PPME1: variants seen among roughly 807,000 people sequenced by gnomAD.
PPME1 encodes the protein testicular secretory protein Li 39.
PPME1 carries 17 observed loss-of-function variants against 56.9 expected under a neutral mutation model. The ratio of observed to expected loss-of-function variants is 0.30; its 90% CI spans 0.20 to 0.45. The LOEUF is 0.45. PPME1 is among the 20% of genes least tolerant of loss of function. The pLI, the probability that PPME1 is intolerant of heterozygous loss-of-function variation, is 1.00. For synonymous variants in PPME1, 122 were observed against 156.2 expected (o/e 0.78, Z 1.63); for missense variants, 357 against 483.2 (o/e 0.74, Z 2.45).
intron 1 of PPME1, among the ~76,000 whole-genome samples, chr11:74,200,328 G>A (rs1463604759): frequency 6.6e-6 from 1 of 151,284 alleles, no homozygotes; most frequent in Non-Finnish European, 1.5e-5. Context: ...ATTAATTGAA[G>A]TCTTCTAGTT....
chr11:74,216,802 CT>C (rs1287030861), intron 3 of PPME1, among the ~76,000 whole-genome samples: 13 of 152,134 alleles, frequency 8.5e-5, no homozygotes, highest in African/African-American at 3.1e-4. Flanking sequence ...GCACCTGATA[CT>C]GCAGAAATTC....
At chr11:74,192,431 A>G (rs1039781980) in intron 1 of PPME1, among the ~76,000 whole-genome samples, 4 of 152,106 alleles carry the variant, frequency 2.6e-5, no homozygotes, top group Admixed American at 2.0e-4. Context: ...GATGAGACTT[A>G]GGACTTTGGA....
At chr11:74,206,654 A>G (rs1052963572) in intron 3 of PPME1, among the ~76,000 whole-genome samples, 54 of 151,966 alleles carry the variant, frequency 3.6e-4, no homozygotes, top group African/African-American at 1.3e-3. Context: ...TACAACCTCA[A>G]CTCCTGGGCT....
At chr11:74,238,925 C>T (rs1196589653) in intron 8 of PPME1, 5 of 495,310 alleles carry the variant, frequency 1.0e-5, no homozygotes, top group Non-Finnish European at 1.1e-5. Context: ...AGTATTGGTG[C>T]AAGAACTGGA....
At chr11:74,185,316 C>T (rs1472263151) in intron 1 of PPME1, among the ~76,000 whole-genome samples, 3 of 152,068 alleles carry the variant, frequency 2.0e-5, no homozygotes, top group African/African-American at 7.2e-5. Context: ...GTCTTTTATT[C>T]TAGATCATCA....
rs752106296 is a variant in PPME1, at chr11:74,171,510, A to G, written c.89A>G (p.Lys30Arg). The change falls in exon 1 of 14, where the codon AAG (lysine) becomes AGG (arginine). Residue 30 changes from lysine to arginine, a missense_variant. By Grantham distance (26) the Lys-to-Arg change is conservative. Around this residue, in one of 2 missense-constraint regions of PPME1, gnomAD observed 175 missense variants for 189.4 expected, o/e 0.92. Coordinates refer to ENST00000328257, the MANE Select transcript of PPME1 (RefSeq NM_016147.3). ...PGSGGSQSGA[K>R]MRMGPGRKRD... ...AGCGGGGGCAGTCAGAGCGGAGCCA[A>G]GATGCGAATGGGGTACGTGACCCAT... 214 of 1,612,642 alleles carry G rather than the reference A, an allele frequency of 1.3e-4. 1 individual carries two copies. In the Admixed American group the frequency reaches 3.6e-3, roughly 27 times the overall value.
chr11:74,186,639 TTGGAA>T (rs1281888495), intron 1 of PPME1, among the ~76,000 whole-genome samples: 1 of 152,090 alleles, frequency 6.6e-6, no homozygotes, highest in East Asian at 1.9e-4. Context: ...TTATAGTAAT[TTGGAA>T]AAAGGAATAA....
chr11:74,201,124 C>T (rs947458364), intron 1 of PPME1, among the ~76,000 whole-genome samples: 3 of 151,960 alleles, frequency 2.0e-5, no homozygotes. Flanking sequence ...TACAGGCGCC[C>T]GCCACCACAC....
intron 1 of PPME1, among the ~76,000 whole-genome samples, chr11:74,199,490 G>A (rs887407474): frequency 6.6e-6 from 1 of 152,016 alleles, no homozygotes; most frequent in Non-Finnish European, 1.5e-5. Context: ...GAGAGACAGG[G>A]TCTCACGGTT....
Position 74,204,465 on chromosome 11 carries a change from T to C in PPME1, c.288+20T>C. ...TTCACGGTAAGTAGGTTGTTGATAG[T>C]ACAAGTTAATGTTAGCACTTTTGAA... On this transcript the variant is annotated intron_variant, in intron 3 of 13. Coordinates refer to ENST00000328257, the MANE Select transcript of PPME1 (RefSeq NM_016147.3). The C allele has an allele frequency of 6.4e-7, 1 of 1,572,960 alleles. No homozygotes were observed. The highest frequency in any genetic ancestry group is 8.7e-7 in the Non-Finnish European group (1 of 1,144,596).
At chr11:74,187,881 A>G (rs1418425177) in intron 1 of PPME1, among the ~76,000 whole-genome samples, 1 of 152,230 alleles carries the variant, frequency 6.6e-6, no homozygotes, top group African/African-American at 2.4e-5. Flanking sequence ...ACCTTAAAAT[A>G]AAGAGAATAT....
chr11:74,197,931 A>C (rs902723803), intron 1 of PPME1, among the ~76,000 whole-genome samples: 1 of 152,186 alleles, frequency 6.6e-6, no homozygotes, highest in African/African-American at 2.4e-5. Flanking sequence ...CATTTGATTC[A>C]TGTGACTCAG....
intron 1 of PPME1, among the ~76,000 whole-genome samples, chr11:74,182,508 T>G (rs1857567587): frequency 1.3e-5 from 2 of 151,760 alleles, no homozygotes; most frequent in Admixed American, 1.3e-4. Context: ...TACAGGTGTG[T>G]GCCACCACGC....
Position 74,222,385 on chromosome 11 carries a change from A to C in PPME1, c.346+16A>C. The C allele has an allele frequency of 1.3e-6, 2 of 1,584,134 alleles. No individual in the cohort carries two copies. The highest frequency in any genetic ancestry group is 1.1e-5 in the South Asian group (1 of 90,470). ...CGAAGTCATGGTGAGTAAAGTTCTT[A>C]ATTAGCCATTAACTGGATTATAGTC... On this transcript the variant is annotated intron_variant, in intron 4 of 13. Coordinates refer to ENST00000328257, the MANE Select transcript of PPME1 (RefSeq NM_016147.3).
At position 74,219,830 on chromosome 11, in the gene PPME1, C is replaced by A. The variant is rs954991458; in HGVS notation, c.289-2482C>A. Among the ~76,000 whole-genome samples, 12 of 152,000 alleles carry A rather than the reference C, an allele frequency of 7.9e-5. No homozygotes were observed. The East Asian group carries it at 2.3e-3, about 29-fold the overall frequency. On this transcript the variant is annotated intron_variant, in intron 3 of 13. Coordinates refer to ENST00000328257, the MANE Select transcript of PPME1 (RefSeq NM_016147.3). ...AATATTTAAATAGAATGAATAAGAT[C>A]TTGTATTTGATGGCACAACAGGGTG...
intron 1 of PPME1, among the ~76,000 whole-genome samples, chr11:74,193,160 T>C (rs1159932713): frequency 6.6e-6 from 1 of 152,228 alleles, no homozygotes; most frequent in Non-Finnish European, 1.5e-5. Context: ...GTTGTATCTT[T>C]TACTGTTAAG....
chr11:74,244,430 T>C (rs546659672), intron 9 of PPME1, among the ~76,000 whole-genome samples: 2 of 152,344 alleles, frequency 1.3e-5, no homozygotes, highest in Non-Finnish European at 2.9e-5. Flanking sequence ...CCAACACTTA[T>C]TTTTCTCTTT....
intron 1 of PPME1, among the ~76,000 whole-genome samples, chr11:74,184,253 A>T (rs1040711142): frequency 2.6e-5 from 4 of 152,234 alleles, no homozygotes. Flanking sequence ...TTCATTATAT[A>T]TAAAAACCAC....
chr11:74,187,114 C>T (rs1857705723), intron 1 of PPME1, among the ~76,000 whole-genome samples: 2 of 152,150 alleles, frequency 1.3e-5, no homozygotes, highest in African/African-American at 4.8e-5. Flanking sequence ...ATATATCGAT[C>T]AGTATACTGG....
Sources: gnomAD v4.1 joint callset for allele counts (sites outside exome capture counted in the v4.1 genomes callset) on GRCh38, gnomAD v4.1.1 for gene constraint, gnomAD v4.1.1 regional missense constraint, MANE v1.5 for transcripts, NCBI Gene and HGNC (gene_info 2026-07-23, HGNC 2026-07-21) for gene names.